DLGAP2: variants seen among roughly 807,000 people sequenced by gnomAD.
DLGAP2 encodes DLG associated protein 2.
A neutral mutation model predicts 100.3 loss-of-function variants in DLGAP2; 26 were observed. The ratio of observed to expected loss-of-function variants is 0.26; its 90% CI spans 0.19 to 0.36. DLGAP2 has a LOEUF of 0.36. Among genes scored for constraint, DLGAP2 ranks in the 10% least tolerant of loss-of-function variants. The pLI is 1.00. For synonymous variants in DLGAP2, 886 were observed against 630.1 expected (o/e 1.41, Z -6.08); for missense variants, 1,858 against 1,453.2 (o/e 1.28, Z -4.53).
At chr8:1,188,907 C>T (rs1797573789) in intron 2 of DLGAP2, among the ~76,000 whole-genome samples, 1 of 152,260 alleles carries the variant, frequency 6.6e-6, no homozygotes, top group African/African-American at 2.4e-5. Flanking sequence ...ATCTTCTCCT[C>T]ACACAGGTTG....
At chr8:928,531 G>T (rs1030768805) in intron 2 of DLGAP2, among the ~76,000 whole-genome samples, 9 of 152,124 alleles carry the variant, frequency 5.9e-5, no homozygotes, top group African/African-American at 1.9e-4. Flanking sequence ...TGCTGGCGGG[G>T]ACTGGGTACT....
intron 2 of DLGAP2, among the ~76,000 whole-genome samples, chr8:1,040,010 A>ATGGTCT (rs1802278327): frequency 4.4e-5 from 5 of 112,526 alleles, no homozygotes; most frequent in Non-Finnish European, 9.4e-5. Context: ...TTCCGTGGTC[A>ATGGTCT]GCTCGGTTTC....
chr8:1,445,293 G>C (rs573518038), intron 3 of DLGAP2, among the ~76,000 whole-genome samples: 40 of 128,044 alleles, frequency 3.1e-4, no homozygotes, highest in African/African-American at 1.2e-3. Context: ...CTGTGTCCAA[G>C]TCTTCTAATT....
chr8:1,026,112 A>G (rs1258773263), intron 2 of DLGAP2, among the ~76,000 whole-genome samples: 2 of 152,210 alleles, frequency 1.3e-5, no homozygotes, highest in Non-Finnish European at 2.9e-5. Context: ...CTCAGCTGCC[A>G]GTCTGGCGTC....
rs772339646 is a variant in DLGAP2, at chr8:1,548,850, C to T, written c.397C>T (p.His133Tyr). 2 of 1,581,334 alleles carry T rather than the reference C, an allele frequency of 1.3e-6. No homozygotes were observed. Among genetic ancestry groups the T allele is most frequent in the East Asian group, 4.5e-5 (2 of 44,020 alleles). The stretch of plus-strand genomic sequence containing the variant: ...CGCCGACAGCTGCCCCGGGGGGCGC[C>T]ACCGCTGCTCGCCGCGCAGCTCGGT... Reference protein sequence around the residue: ...SPADSCPGGRHRCSPRSSVHS... With the variant: ...SPADSCPGGRYRCSPRSSVHS... Residue 133 changes from histidine to tyrosine, a missense_variant, in exon 5 of 15, where the codon CAC (histidine) becomes TAC (tyrosine). Physicochemically the swap from His to Tyr is moderately conservative, Grantham distance 83. Coordinates refer to ENST00000637795, the MANE Select transcript of DLGAP2 (RefSeq NM_001346810.2).
intron 2 of DLGAP2, among the ~76,000 whole-genome samples, chr8:1,026,532 T>C (rs1271792645): frequency 6.6e-6 from 1 of 152,242 alleles, no homozygotes; most frequent in Non-Finnish European, 1.5e-5. Flanking sequence ...TAATTATCTT[T>C]TTCCTTTTCT....
intron 6 of DLGAP2, among the ~76,000 whole-genome samples, chr8:1,590,622 A>G (rs545418125): frequency 1.1e-4 from 16 of 152,348 alleles, no homozygotes; most frequent in African/African-American, 3.8e-4. Flanking sequence ...TAAAATAAAG[A>G]GAAATGTGTA....
At chr8:1,186,201 G>A (rs1285634803) in intron 2 of DLGAP2, among the ~76,000 whole-genome samples, 3 of 152,358 alleles carry the variant, frequency 2.0e-5, no homozygotes, top group East Asian at 1.9e-4. Context: ...CGGTGGCACC[G>A]AGGGCAGCGC....
At chr8:1,097,280 G>T (rs1358470474) in intron 2 of DLGAP2, among the ~76,000 whole-genome samples, 1 of 131,724 alleles carries the variant, frequency 7.6e-6, no homozygotes, top group African/African-American at 3.0e-5. Flanking sequence ...CTGCTCAGGA[G>T]AGTCCAGCTG....
intron 3 of DLGAP2, among the ~76,000 whole-genome samples, chr8:1,464,765 G>A (rs989998052): frequency 5.3e-5 from 8 of 152,180 alleles, no homozygotes; most frequent in Non-Finnish European, 1.0e-4. Context: ...ACGCCTCACC[G>A]TCCTGGCCTC....
chr8:1,496,778 G>A (rs112672587), intron 3 of DLGAP2, among the ~76,000 whole-genome samples: 44 of 152,292 alleles, frequency 2.9e-4, no homozygotes, highest in African/African-American at 1.1e-3. Flanking sequence ...TCTCCAGGCG[G>A]CACCCGAGGC....
intron 1 of DLGAP2, among the ~76,000 whole-genome samples, chr8:837,455 T>G (rs149656030): frequency 7.5e-4 from 114 of 152,326 alleles, no homozygotes; most frequent in African/African-American, 2.7e-3. Context: ...AATGTAATGT[T>G]AAAAAATTAT....
chr8:1,682,479 AT>A (rs11332030), intron 12 of DLGAP2, among the ~76,000 whole-genome samples: 50,518 of 148,140 alleles, frequency 0.34, 8,880 homozygotes, highest in East Asian at 0.53. Context: ...GATATATAGT[AT>A]TTTTTTTTTT....
intron 1 of DLGAP2, among the ~76,000 whole-genome samples, chr8:818,044 G>A (rs1796517690): frequency 6.6e-6 from 1 of 152,180 alleles, no homozygotes; most frequent in Admixed American, 6.5e-5. Context: ...CGGGCAGTGG[G>A]CAGGGCCATA....
Position 1,315,656 on chromosome 8 carries a change from C to G in DLGAP2, c.106+56773C>G, listed in dbSNP as rs1205387458. Reference sequence around the variant, plus strand: ...AATAGAGCGTGTGCAAGTACAGCGTCTCTCCAACAGTGGTCTACACTCGAG... The same window carrying G: ...AATAGAGCGTGTGCAAGTACAGCGTGTCTCCAACAGTGGTCTACACTCGAG... On this transcript the variant is annotated intron_variant, in intron 3 of 14. Coordinates refer to ENST00000637795, the MANE Select transcript of DLGAP2 (RefSeq NM_001346810.2). Among the ~76,000 whole-genome samples, 9 of 121,098 alleles carry G rather than the reference C, an allele frequency of 7.4e-5. 2 individuals are homozygous for G. The highest frequency in any genetic ancestry group is 1.4e-4 in the Non-Finnish European group (8 of 57,922). The allele number at this position is 121,098 out of a possible 152,430, so 79.4% of individuals were successfully genotyped here. A position where few individuals can be genotyped will look rare whatever the true frequency, so the allele number is the denominator to read the frequency against.
At chr8:1,541,802 A>G (rs1801369897) in intron 4 of DLGAP2, among the ~76,000 whole-genome samples, 1 of 152,230 alleles carries the variant, frequency 6.6e-6, no homozygotes, top group Non-Finnish European at 1.5e-5. Flanking sequence ...CAGTTAACAG[A>G]TTTACTAATT....
chr8:743,863 C>T lies in DLGAP2; in HGVS notation c.18+6038C>T, dbSNP rs549598044. 9.8e-5 allele frequency among the ~76,000 whole-genome samples: 15 copies of T among 152,378 alleles called. No homozygotes were observed. In the East Asian group the frequency reaches 1.3e-3, roughly 14 times the overall value. The stretch of plus-strand genomic sequence containing the variant: ...TGTGGGCATGGGCCACTGCGCGATG[C>T]CTTTTGCTGGTATTTGCATGTGATT... On this transcript the variant is annotated intron_variant, in intron 1 of 14. Coordinates refer to ENST00000637795, the MANE Select transcript of DLGAP2 (RefSeq NM_001346810.2).
At chr8:1,438,589 A>G (rs1286078845) in intron 3 of DLGAP2, among the ~76,000 whole-genome samples, 2 of 152,198 alleles carry the variant, frequency 1.3e-5, no homozygotes, top group Non-Finnish European at 2.9e-5. Flanking sequence ...TATTTTAGTG[A>G]AACTAGCAGT....
intron 3 of DLGAP2, among the ~76,000 whole-genome samples, chr8:1,418,364 C>G (rs1416855288): frequency 1.3e-5 from 2 of 152,162 alleles, no homozygotes; most frequent in Non-Finnish European, 2.9e-5. Context: ...TATTCAGTAT[C>G]CTCAAGTCAT....
Sources: allele counts gnomAD v4.1 joint callset (sites outside exome capture counted in the v4.1 genomes callset), GRCh38; gene constraint gnomAD v4.1.1; transcripts MANE v1.5; gene names NCBI Gene and HGNC (gene_info 2026-07-23, HGNC 2026-07-21).